Variants in PLA2G4C observed in about 807,000 individuals in gnomAD.
PLA2G4C encodes the protein cytosolic phospholipase A2 gamma.
A neutral mutation model predicts 73.8 loss-of-function variants in PLA2G4C; 64 were observed. The ratio of observed to expected loss-of-function variants is 0.87; its 90% CI spans 0.71 to 1.07. PLA2G4C has a LOEUF of 1.07. Ranked by LOEUF, PLA2G4C falls within the 50% of genes least tolerant of loss-of-function variation. The probability of loss-of-function intolerance (pLI) is 0.00; values close to 1 mark genes in which losing one functional copy is unlikely to be tolerated. For missense variants in PLA2G4C, 622 were observed against 665.4 expected (o/e 0.93, Z 0.72); for synonymous variants, 254 against 252.1 (o/e 1.01, Z -0.07).
chr19:48,076,245 C>T (rs1013610974), intron 11 of PLA2G4C, among the ~76,000 whole-genome samples: 1 of 152,340 alleles, frequency 6.6e-6, no homozygotes. Context: ...CTTGCATCTT[C>T]CACAACTGGA....
At chr19:48,050,060 T>C (rs1967665395) in intron 16 of PLA2G4C, among the ~76,000 whole-genome samples, 1 of 152,138 alleles carries the variant, frequency 6.6e-6, no homozygotes, top group South Asian at 2.1e-4. Context: ...TAACTGGGAC[T>C]ACAAGTGTGC....
At chr19:48,051,552 G>C (rs939181944) in intron 16 of PLA2G4C, among the ~76,000 whole-genome samples, 1 of 111,206 alleles carries the variant, frequency 9.0e-6, no homozygotes, top group African/African-American at 2.7e-5. Context: ...GGTGGCAGGA[G>C]AGATGAGAGA....
intron 10 of PLA2G4C, among the ~76,000 whole-genome samples, chr19:48,080,039 C>T (rs538079195): frequency 6.6e-6 from 1 of 152,240 alleles, no homozygotes; most frequent in South Asian, 2.1e-4. Context: ...AGAGTAAACA[C>T]ACAACCCACT....
intron 11 of PLA2G4C, among the ~76,000 whole-genome samples, chr19:48,076,807 G>A (rs2030193379): frequency 6.6e-6 from 1 of 151,908 alleles, no homozygotes; most frequent in African/African-American, 2.4e-5. Context: ...GGATGCCTAA[G>A]TCCCCACATG....
At chr19:48,064,151 G>A (rs766405493) in intron 13 of PLA2G4C, among the ~76,000 whole-genome samples, 2 of 152,188 alleles carry the variant, frequency 1.3e-5, no homozygotes, top group East Asian at 1.9e-4. Context: ...TATTTTGGCC[G>A]GGCACGGTGG....
rs1968695424 is a variant in PLA2G4C at position 48,072,402 on chromosome 19, G to A, written c.1006+2365C>T. 6.6e-6 allele frequency: 1 copy of A among 152,176 alleles called. No homozygotes were observed. Among genetic ancestry groups the A allele is most frequent in the Admixed American group, 6.5e-5 (1 of 15,272 alleles). The allele number at this position is 152,176 out of a possible 1,614,324, so 9.4% of individuals were successfully genotyped here. A position where few individuals can be genotyped will look rare whatever the true frequency, so the allele number is the denominator to read the frequency against. On this transcript the variant is annotated intron_variant, in intron 12 of 16. Transcript: ENST00000599921. This position sits in a 1 kb window ranked among gnomAD's most constrained non-coding sequence, Gnocchi z 4.4. ...GAGCCAGGCATTATAGAAAGTCATA[G>A]TGAGGCTTCGTGTGGCACATTCCAT...
Position 48,062,102 on chromosome 19 carries a change from C to G in PLA2G4C, c.1153G>C (p.Asp385His). ...GGAGTGTTGATGGCTAAACCAGCAT[C>G]CACCAGGTGGAGGTGCTTCCGGCTG... ...MSSRKHLHLV[D>H]AGLAINTPFP... The change falls in exon 14 of 17, where the codon GAT becomes CAT. Residue 385 changes from aspartate (D) to histidine (H), a missense_variant. Transcript: ENST00000599921. The G allele has an allele frequency of 6.2e-7, 1 of 1,610,526 alleles. No homozygotes were observed. Among genetic ancestry groups the G allele is most frequent in the Non-Finnish European group, 8.5e-7 (1 of 1,178,080 alleles).
chr19:48,074,692 G>T (rs1038038706), intron 12 of PLA2G4C, 75 bp downstream of exon 12: 1 of 973,596 alleles, frequency 1.0e-6, no homozygotes, highest in South Asian at 1.3e-5. Flanking sequence ...GCCCACAGGG[G>T]TGGGGAAGAG....
rs66641645 is a variant in PLA2G4C, at chr19:48,082,496, C to CTTTTTTTTT, written c.844+2554_844+2562dup. Among the ~76,000 whole-genome samples the CTTTTTTTTT allele has an allele frequency of 4.0e-3, 427 of 106,240 alleles. 1 individual carries two copies. The highest frequency in any genetic ancestry group is 5.7e-3 in the Middle Eastern group (1 of 176). The allele number at this position is 106,240 out of a possible 152,430, so 69.7% of individuals were successfully genotyped here. On this transcript the variant is annotated intron_variant, in intron 10 of 16. Coordinates refer to ENST00000599921, the MANE Select transcript of PLA2G4C (RefSeq NM_003706.3). The stretch of plus-strand genomic sequence containing the variant: ...TTTTTTTCTTTTTCTTTCTTTCTTT[C>CTTTTTTTTT]TTTTTTTTTTTTTTTTTTTTGAGAC...
chr19:48,098,570 G>A (rs1037322931), intron 5 of PLA2G4C, among the ~76,000 whole-genome samples: 7 of 151,310 alleles, frequency 4.6e-5, no homozygotes, highest in East Asian at 3.9e-4. Flanking sequence ...CAATCCTCCC[G>A]CCTCAGCCAC....
At chr19:48,098,324 C>T in intron 5 of PLA2G4C, 65 bp from the exon 6 acceptor site, 1 of 1,446,422 alleles carries the variant, frequency 6.9e-7, no homozygotes, top group Non-Finnish European at 9.2e-7. Flanking sequence ...GGAACCTCTG[C>T]ACGTAGGCCA....
At chr19:48,090,490 A>C (rs1335306231) in intron 7 of PLA2G4C, 73 bp from the exon 8 acceptor site, 6 of 1,070,940 alleles carry the variant, frequency 5.6e-6, no homozygotes, top group Non-Finnish European at 8.8e-6. Context: ...TCAAAGCACC[A>C]GCAGACTGGC....
In PLA2G4C at chr19:48,085,076, A is replaced by G. The variant is rs759983029; in HGVS notation, c.827T>C (p.Ile276Thr). 30 of 1,612,156 alleles carry G rather than the reference A, an allele frequency of 1.9e-5. No individual in the cohort carries two copies. Among genetic ancestry groups the G allele is most frequent in the African/African-American group, 4.0e-5 (3 of 74,908 alleles). ...ATACTCACCAAAAATAAGGTGTCCA[A>G]TGCTTTTAGCATTAGCAACAGCCCT... ...WRRAVANAKSIGHLIFARLLR... is the reference protein window; with the variant it reads ...WRRAVANAKSTGHLIFARLLR... Residue 276 changes from isoleucine to threonine, a missense_variant, in exon 10 of 17, where the codon ATT becomes ACT. Physicochemically the swap from Ile to Thr is moderately conservative, Grantham distance 89. Coordinates refer to ENST00000599921, the MANE Select transcript of PLA2G4C (RefSeq NM_003706.3).
intron 16 of PLA2G4C, among the ~76,000 whole-genome samples, chr19:48,048,593 C>T (rs899375254): frequency 2.0e-5 from 3 of 152,196 alleles, no homozygotes; most frequent in Admixed American, 1.3e-4. Flanking sequence ...ACCACGTAAA[C>T]GTTTATTTAT....
At chr19:48,100,084 G>A in intron 4 of PLA2G4C, 1 of 459,528 alleles carries the variant, frequency 2.2e-6, no homozygotes, top group Non-Finnish European at 3.8e-6. Flanking sequence ...TCACAGGCAG[G>A]AAAATGAGAG....
intron 7 of PLA2G4C, 33 bp downstream of exon 7, chr19:48,095,431 C>A (rs766285110): frequency 1.9e-6 from 3 of 1,604,622 alleles, no homozygotes; most frequent in Non-Finnish European, 2.6e-6. Context: ...CACTTCCCAC[C>A]CCCTTTTAAT....
chr19:48,105,535 A>G (rs2122143529), intron 2 of PLA2G4C, 91 bp from the exon 3 acceptor site: 1 of 930,664 alleles, frequency 1.1e-6, no homozygotes, highest in Middle Eastern at 2.2e-4. Context: ...CTGTCCAAGC[A>G]GGTAGCCACC....
chr19:48,098,025 G>A (rs1158730824), intron 6 of PLA2G4C, 114 bp downstream of exon 6: 1 of 1,186,736 alleles, frequency 8.4e-7, no homozygotes, highest in Non-Finnish European at 1.2e-6. Context: ...CTGCAATCCT[G>A]AGCCCTTCCC....
intron 6 of PLA2G4C, 79 bp downstream of exon 6, chr19:48,098,060 G>A: frequency 1.3e-6 from 2 of 1,490,990 alleles, no homozygotes; most frequent in Non-Finnish European, 1.8e-6. Flanking sequence ...CCAAGGGGAG[G>A]GCAGGGAAAC....
Sources: allele counts gnomAD v4.1 joint callset (sites outside exome capture counted in the v4.1 genomes callset), GRCh38; gene constraint gnomAD v4.1.1; non-coding constraint Gnocchi (gnomAD v3.1); transcripts MANE v1.5; gene names NCBI Gene and HGNC (gene_info 2026-07-23, HGNC 2026-07-21).